TPSD1: variants seen among roughly 807,000 people sequenced by gnomAD.
TPSD1 encodes tryptase delta.
In TPSD1, 30 loss-of-function variants were observed where a neutral mutation model predicts 25.4. That is an observed-to-expected ratio of 1.18 (90% CI 0.88 to 1.60). TPSD1 has a LOEUF of 1.60. Ranked by LOEUF, TPSD1 falls within the 40% of genes most tolerant of loss-of-function variation. The pLI is 0.00. For synonymous variants in TPSD1, 176 were observed against 149.4 expected (o/e 1.18, Z -1.30); for missense variants, 420 against 324.2 (o/e 1.30, Z -2.27).
rs139709116 is a variant in TPSD1, at chr16:1,258,557, A to G, written c.*181A>G. 6,160 of 1,567,766 alleles carry G rather than the reference A, an allele frequency of 3.9e-3. 206 individuals are homozygous for G. The African/African-American group carries it at 0.074, about 19-fold the overall frequency. On this transcript the variant is annotated 3_prime_UTR_variant, in exon 5 of 5. Transcript: ENST00000211076. ...GCCAGCCCCTCCTGTCCAAACCACC[A>G]CTGCTTCCTACCCAGGTGGTGACTG...
In TPSD1 at chr16:1,258,334, T is replaced by C. The variant is rs758109384; in HGVS notation, c.687T>C (p.Gly229=). The part of the protein sequence containing the change: ...AGSENHDSCQ[G]DSGGPLVCKV... ...GCACTGACCTCTGACCTTCCCAGGG[T>C]GACTCTGGAGGGCCCCTGGTCTGCA... Residue 229 remains glycine (G), a splice_region_variant and synonymous_variant, in exon 5 of 5, where the codon GGT becomes GGC. Transcript: ENST00000211076. 1 of 1,605,514 alleles carries C rather than the reference T, an allele frequency of 6.2e-7. No individual in the cohort carries two copies. Among genetic ancestry groups the C allele is most frequent in the Non-Finnish European group, 8.5e-7 (1 of 1,179,754 alleles).
chr16:1,257,698 G>A (rs116528198), intron 3 of TPSD1, among the ~76,000 whole-genome samples: 2,880 of 152,290 alleles, frequency 0.019, 90 homozygotes, highest in African/African-American at 0.066. Flanking sequence ...TGAGCCCAGC[G>A]CCCTGTGTTC....
Position 1,258,925 on chromosome 16 carries a change from C to T in TPSD1, c.*549C>T, listed in dbSNP as rs1361581154. On this transcript the variant is annotated 3_prime_UTR_variant, in exon 5 of 5. Coordinates refer to ENST00000211076, the MANE Select transcript of TPSD1 (RefSeq NM_012217.3). ...CCTGAATCCGCCCCTCCCGGCCCCT[C>T]CGGCCCTCCCCTGCCCAGGCAGCTG... is the stretch of plus-strand genomic sequence containing the variant. 3 of 141,252 alleles carry T rather than the reference C, an allele frequency of 2.1e-5. No individual in the cohort carries two copies. Among genetic ancestry groups the T allele is most frequent in the African/African-American group, 5.4e-5 (2 of 37,018 alleles). 8.7% of individuals were successfully genotyped at this position (141,252 alleles called of 1,614,324 possible).
rs1338228331 is a variant in TPSD1, at chr16:1,258,441, C to A, written c.*65C>A. On this transcript the variant is annotated 3_prime_UTR_variant, in exon 5 of 5. Transcript: ENST00000211076. ...CAGCCCAACCGGCCTGGCATCTACA[C>A]CCGTGTCACCTACTACTTGGACTGG... The A allele has an allele frequency of 1.2e-6, 2 of 1,613,638 alleles. No homozygotes were observed. Among genetic ancestry groups the A allele is most frequent in the Non-Finnish European group, 8.5e-7 (1 of 1,179,912 alleles).
intron 3 of TPSD1, chr16:1,257,324 G>A (rs1346943023): frequency 8.9e-6 from 5 of 563,426 alleles, no homozygotes; most frequent in Admixed American, 3.2e-5. Flanking sequence ...GCCTGAAAGG[G>A]TGCATCAAAA....
chr16:1,256,209 G>A lies in TPSD1; in HGVS notation c.-72G>A, dbSNP rs974792030. On this transcript the variant is annotated 5_prime_UTR_variant, in exon 1 of 5. Transcript: ENST00000211076. ...GGCCTGGACCCACCCCGGTCCCCCC[G>A]TCCCAGCTCCATTCTTCACCCCACA... The A allele has an allele frequency of 2.8e-5, 44 of 1,592,930 alleles. No homozygotes were observed. Among genetic ancestry groups the A allele is most frequent in the African/African-American group, 1.1e-4 (8 of 73,962 alleles).
Position 1,258,198 on chromosome 16 carries a change from G to T in TPSD1, c.660G>T (p.Gly220=), listed in dbSNP as rs377551787. 1 of 1,612,162 alleles carries T rather than the reference G, an allele frequency of 6.2e-7. No homozygotes were observed. ...QIVRDDMLCA[G]SENHDSCQGD... is the part of the protein sequence containing the mutation. ...TCCGCGATGACATGCTGTGTGCGGG[G>T]AGCGAAAATCACGACTCCTGCCAGG... Residue 220 remains glycine, a synonymous_variant, in exon 4 of 5, where the codon GGG becomes GGT. Transcript: ENST00000211076.
intron 1 of TPSD1, 62 bp downstream of exon 1, chr16:1,256,424 G>T (rs1182003649): frequency 3.2e-5 from 51 of 1,610,364 alleles, no homozygotes; most frequent in Non-Finnish European, 3.9e-5. Flanking sequence ...GGCCTGGGTG[G>T]GTTCTGGGGA....
At position 1,257,934 on chromosome 16, in the gene TPSD1, G is replaced by A. The variant is rs112308680; in HGVS notation, c.521-125G>A. On this transcript the variant is annotated intron_variant, in intron 3 of 4. Coordinates refer to ENST00000211076, the MANE Select transcript of TPSD1 (RefSeq NM_012217.3). ...CTGCATTCACCGCCCCTTCCCCGGGGCTGCAGGCACAGAACAGCACTGGGC... is the reference window on the plus strand; with the variant it reads ...CTGCATTCACCGCCCCTTCCCCGGGACTGCAGGCACAGAACAGCACTGGGC... 12,902 of 1,061,384 alleles carry A rather than the reference G, an allele frequency of 0.012. 723 individuals are homozygous for A. The African/African-American group carries it at 0.14, about 11-fold the overall frequency. 65.7% of individuals were successfully genotyped at this position (1,061,384 alleles called of 1,614,324 possible).
chr16:1,257,010 C>G lies in TPSD1; in HGVS notation c.468C>G (p.Phe156Leu). The G allele has an allele frequency of 6.2e-7, 1 of 1,612,668 alleles. No homozygotes were observed. Among genetic ancestry groups the G allele is most frequent in the Non-Finnish European group, 8.5e-7 (1 of 1,179,370 alleles). Reference protein sequence around the residue: ...TVTLPPASETFPPGMPCWVTG... With the variant: ...TVTLPPASETLPPGMPCWVTG... ...CGCTGCCCCCTGCCTCGGAGACCTT[C>G]CCCCCGGGGATGCCGTGCTGGGTCA... Residue 156 changes from phenylalanine to leucine, a missense_variant, in exon 3 of 5, where the codon TTC becomes TTG. Transcript: ENST00000211076.
intron 3 of TPSD1, chr16:1,257,307 TC>T: frequency 1.7e-6 from 1 of 576,582 alleles, no homozygotes; most frequent in Non-Finnish European, 3.0e-6. Context: ...TGCCTCGGTT[TC>T]CCCTTGCCTG....
chr16:1,256,420 G>A, intron 1 of TPSD1, 58 bp downstream of exon 1: 7 of 1,610,966 alleles, frequency 4.3e-6, no homozygotes. Flanking sequence ...TCAGGGCCTG[G>A]GTGGGTTCTG....
rs2031032425 is a variant in TPSD1, at chr16:1,258,656, CTTTCT to C, written c.*282_*286del. 1.5e-6 allele frequency: 1 copy of C among 652,840 alleles called. No individual in the cohort carries two copies. The highest frequency in any genetic ancestry group is 2.5e-6 in the Non-Finnish European group (1 of 400,250). 40.4% of individuals were successfully genotyped at this position (652,840 alleles called of 1,614,324 possible). Reference sequence around the variant, plus strand: ...TGTCCCCTGTCCTGAGCCCCCTCCCCTTTCTTGATCCCCTCCCCCATCCTGAGCCC... The same window carrying C: ...TGTCCCCTGTCCTGAGCCCCCTCCCCTGATCCCCTCCCCCATCCTGAGCCC... On this transcript the variant is annotated 3_prime_UTR_variant, in exon 5 of 5. Coordinates refer to ENST00000211076, the MANE Select transcript of TPSD1 (RefSeq NM_012217.3).
At position 1,256,544 on chromosome 16, in the gene TPSD1, C is replaced by A. The variant is rs1064772; in HGVS notation, c.111C>A (p.Gly37=). ...CAGGCCAGGCCCTGCAGCAAACGGG[C>A]ATTGTTGGGGGGCAGGAGGCCCCCA... ...PAPGQALQQT[G]IVGGQEAPRS... The change falls in exon 2 of 5, where the codon GGC becomes GGA. Residue 37 remains glycine (G), a synonymous_variant. Coordinates refer to ENST00000211076, the MANE Select transcript of TPSD1 (RefSeq NM_012217.3). 6.3e-7 allele frequency: 1 copy of A among 1,593,458 alleles called. No individual in the cohort carries two copies. The highest frequency in any genetic ancestry group is 8.5e-7 in the Non-Finnish European group (1 of 1,174,082).
chr16:1,256,417 C>T (rs2030966803), intron 1 of TPSD1, 55 bp downstream of exon 1: 2 of 1,611,072 alleles, frequency 1.2e-6, no homozygotes, highest in Non-Finnish European at 1.7e-6. Context: ...AGATCAGGGC[C>T]TGGGTGGGTT....
intron 3 of TPSD1, chr16:1,257,403 C>A: frequency 2.5e-6 from 1 of 398,540 alleles, no homozygotes; most frequent in Non-Finnish European, 4.6e-6. Flanking sequence ...AGGAGAGAGA[C>A]CGGTGCTGGG....
At chr16:1,257,949 C>A in intron 3 of TPSD1, 110 bp from the exon 4 acceptor site, 1 of 1,218,166 alleles carries the variant, frequency 8.2e-7, no homozygotes, top group Non-Finnish European at 1.2e-6. Flanking sequence ...AGGCACAGAA[C>A]AGCACTGGGC....
chr16:1,256,856 A>G lies in TPSD1; in HGVS notation c.314A>G (p.Gln105Arg). The G allele has an allele frequency of 6.2e-7, 1 of 1,613,440 alleles. No individual in the cohort carries two copies. The highest frequency in any genetic ancestry group is 8.5e-7 in the Non-Finnish European group (1 of 1,180,000). Reference sequence around the variant, plus strand: ...CTGCGGGAGCAGCACCTCTACTACCAGGACCAGCTGCTGCCGGTCAGCAGG... The same window carrying G: ...CTGCGGGAGCAGCACCTCTACTACCGGGACCAGCTGCTGCCGGTCAGCAGG... Reference protein sequence around the residue: ...VQLREQHLYYQDQLLPVSRII... With the variant: ...VQLREQHLYYRDQLLPVSRII... Residue 105 changes from glutamine to arginine, a missense_variant, in exon 3 of 5, where the codon CAG becomes CGG. Physicochemically the swap from Gln to Arg is conservative, Grantham distance 43. Transcript: ENST00000211076.
chr16:1,256,241 A>C lies in TPSD1; in HGVS notation c.-40A>C, dbSNP rs1194503928. On this transcript the variant is annotated 5_prime_UTR_variant, in exon 1 of 5. Coordinates refer to ENST00000211076, the MANE Select transcript of TPSD1 (RefSeq NM_012217.3). ...CTCCATTCTTCACCCCACAATCTGT[A>C]GCCCCCAGCCCTGCCCTGTGAGGCC... The C allele has an allele frequency of 5.6e-6, 9 of 1,612,266 alleles. No homozygotes were observed. Among genetic ancestry groups the C allele is most frequent in the Non-Finnish European group, 7.6e-6 (9 of 1,179,526 alleles).
Sources: gnomAD v4.1 joint callset for allele counts (sites outside exome capture counted in the v4.1 genomes callset) on GRCh38, gnomAD v4.1.1 for gene constraint, MANE v1.5 for transcripts, NCBI Gene and HGNC (gene_info 2026-07-23, HGNC 2026-07-21) for gene names.